Variants in PELP1 observed in about 807,000 individuals in gnomAD.
PELP1 encodes proline, glutamate and leucine rich protein 1.
A neutral mutation model predicts 95.5 loss-of-function variants in PELP1; 32 were observed. That is an observed-to-expected ratio of 0.34 (90% confidence interval 0.25 to 0.45). The LOEUF is 0.45. PELP1 is among the 20% of genes least tolerant of loss of function. PELP1 has a pLI of 1.00. For synonymous variants in PELP1, 668 were observed against 600.1 expected (o/e 1.11, Z -1.65); for missense variants, 1,358 against 1,444.8 (o/e 0.94, Z 0.97).
rs1160997161 is a variant in PELP1 at position 4,675,537 on chromosome 17, G to A, written c.1069-175C>T. 1 of 710,032 alleles carries A rather than the reference G, an allele frequency of 1.4e-6. No homozygotes were observed. 44.0% of individuals were successfully genotyped at this position (710,032 alleles called of 1,614,324 possible). ...CCTCTAAAATAGACCCTGGATGGAA[G>A]GTAAGAAGGATGGCTGGGCCTCTCA... On this transcript the variant is annotated intron_variant, in intron 9 of 16. Transcript: ENST00000572293. The surrounding 1 kb of genome is among the most constrained non-coding windows in gnomAD (Gnocchi z 4.3).
rs749743795 is a variant in PELP1, at chr17:4,704,101, G to T, written c.11C>A (p.Ala4Asp). The T allele has an allele frequency of 6.2e-7, 1 of 1,607,114 alleles. No homozygotes were observed. The highest frequency in any genetic ancestry group is 1.1e-5 in the South Asian group (1 of 90,950). Residue 4 changes from alanine to aspartate, a missense_variant, in exon 1 of 17, where the codon GCC becomes GAC. By Grantham distance (126) the Ala-to-Asp change is moderately radical (BLOSUM62 -2). Coordinates refer to ENST00000572293, the MANE Select transcript of PELP1 (RefSeq NM_014389.3). The stretch of plus-strand genomic sequence containing the variant: ...GCCCGCAGAGGGCCCACTCAGAACG[G>T]CTGCCGCCATCTTCCCCCGGGTTCC... MAA[A>D]VLSGPSAGSA...
At chr17:4,680,809 C>T (rs561132025) in intron 5 of PELP1, among the ~76,000 whole-genome samples, 2 of 152,228 alleles carry the variant, frequency 1.3e-5, no homozygotes, top group South Asian at 4.1e-4. Flanking sequence ...GGAATACCTA[C>T]TTGTTCTTAG....
intron 3 of PELP1, among the ~76,000 whole-genome samples, chr17:4,687,445 G>T (rs572507410): frequency 6.7e-6 from 1 of 149,106 alleles, no homozygotes; most frequent in Non-Finnish European, 1.5e-5. Flanking sequence ...TTGGGAGGCT[G>T]AGGCAGTCAC....
intron 1 of PELP1, among the ~76,000 whole-genome samples, chr17:4,698,098 G>A (rs1913365900): frequency 6.7e-6 from 1 of 149,812 alleles, no homozygotes; most frequent in Non-Finnish European, 1.5e-5. Flanking sequence ...TCCCACTTCG[G>A]CCTCCCACTA....
At chr17:4,683,437 G>C (rs1345109663) in intron 3 of PELP1, among the ~76,000 whole-genome samples, 4 of 150,872 alleles carry the variant, frequency 2.7e-5, no homozygotes, top group South Asian at 4.2e-4. Context: ...AGCCAGGATG[G>C]TCTCGATCTC....
At chr17:4,681,550 C>T (rs1004302341) in intron 5 of PELP1, among the ~76,000 whole-genome samples, 2 of 151,310 alleles carry the variant, frequency 1.3e-5, no homozygotes, top group Non-Finnish European at 2.9e-5. Flanking sequence ...GCCTGTAATC[C>T]CAGCATTTTG....
At chr17:4,677,585 T>C (rs1912532161) in intron 5 of PELP1, among the ~76,000 whole-genome samples, 1 of 152,186 alleles carries the variant, frequency 6.6e-6, no homozygotes, top group Non-Finnish European at 1.5e-5. Flanking sequence ...TAATTTGCAA[T>C]TATAGTCGTT....
rs1391188819 is a variant in PELP1, at chr17:4,672,270, C to CTCCTCTTCCTCTTCT, written c.2706_2720dup (p.Glu904_Glu908dup). Reference sequence around the variant, plus strand: ...CCTCTTCCTCTTCCTCAAAGTCTTCCTCCTCTTCCTCTTCTTCCTCTTCTT... The same window carrying CTCCTCTTCCTCTTCT: ...CCTCTTCCTCTTCCTCAAAGTCTTCCTCCTCTTCCTCTTCTTCCTCTTCCTCTTCTTCCTCTTCTT... On this transcript the variant is annotated inframe_insertion, in exon 16 of 17. Transcript: ENST00000572293. 7.1e-6 allele frequency: 11 copies of CTCCTCTTCCTCTTCT among 1,552,144 alleles called. No individual in the cohort carries two copies. Among genetic ancestry groups the CTCCTCTTCCTCTTCT allele is most frequent in the African/African-American group, 2.7e-5 (2 of 72,974 alleles).
Position 4,700,367 on chromosome 17 carries a change from G to A in PELP1, c.249+3496C>T, listed in dbSNP as rs1001253388. Among the ~76,000 whole-genome samples, 13 of 152,140 alleles carry A rather than the reference G, an allele frequency of 8.5e-5. No homozygotes were observed. In the South Asian group the frequency reaches 1.2e-3, roughly 15 times the overall value. On this transcript the variant is annotated intron_variant, in intron 1 of 16. Coordinates refer to ENST00000572293, the MANE Select transcript of PELP1 (RefSeq NM_014389.3). ...CTCTAAAATACGACAAAAAGTGGCCGGATGTGGTGGCTCATGCCTGTATTC... is the reference window on the plus strand; with the variant it reads ...CTCTAAAATACGACAAAAAGTGGCCAGATGTGGTGGCTCATGCCTGTATTC...
intron 1 of PELP1, among the ~76,000 whole-genome samples, chr17:4,699,464 T>C (rs563467983): frequency 7.9e-5 from 12 of 152,304 alleles, no homozygotes; most frequent in Admixed American, 3.9e-4. Flanking sequence ...CTGTAAATTT[T>C]CAGTTATTTC....
At position 4,700,610 on chromosome 17, in the gene PELP1, G is replaced by T. The variant is rs543049565; in HGVS notation, c.249+3253C>A. Among the ~76,000 whole-genome samples the T allele has an allele frequency of 2.6e-5, 4 of 152,180 alleles. No homozygotes were observed. The South Asian group carries it at 8.3e-4, about 32-fold the overall frequency. The stretch of plus-strand genomic sequence containing the variant: ...CTTCAAAAGAATATACAGGATAAAT[G>T]ACATTTGGGATTTGCTTTAAAATGG... On this transcript the variant is annotated intron_variant, in intron 1 of 16. Transcript: ENST00000572293.
rs777582959 is a variant in PELP1, at chr17:4,673,585, TC to T, written c.1638+33del. On this transcript the variant is annotated intron_variant, in intron 14 of 16. Coordinates refer to ENST00000572293, the MANE Select transcript of PELP1 (RefSeq NM_014389.3). This position sits in a 1 kb window ranked among gnomAD's most constrained non-coding sequence, Gnocchi z 5.7. ...CAATGTGTACAGAGCAGGGGCCCCT[TC>T]CCCTATCTCCACGGAGACGAGGCTC... 4 of 1,607,768 alleles carry T rather than the reference TC, an allele frequency of 2.5e-6. No individual in the cohort carries two copies. The highest frequency in any genetic ancestry group is 2.7e-5 in the African/African-American group (2 of 74,766).
chr17:4,687,498 CAAAAAAAAA>C (rs61629319), intron 3 of PELP1, among the ~76,000 whole-genome samples: 1 of 107,340 alleles, frequency 9.3e-6, no homozygotes. Flanking sequence ...GACTCCATCT[CAAAAAAAAA>C]AAAAAAAAAA....
chr17:4,699,937 C>A (rs1458150887), intron 1 of PELP1, among the ~76,000 whole-genome samples: 1 of 117,224 alleles, frequency 8.5e-6, no homozygotes, highest in African/African-American at 3.2e-5. Context: ...GAGTTTCACT[C>A]TATCACCCAG....
At position 4,674,594 on chromosome 17, in the gene PELP1, C is replaced by T. The variant is rs1326952794; in HGVS notation, c.1498G>A (p.Asp500Asn). Residue 500 changes from aspartate (D) to asparagine (N), a missense_variant, in exon 13 of 17, where the codon GAT becomes AAT. Asp to Asn is a conservative substitution (Grantham distance 23). This residue lies in a region of PELP1 where 538 missense variants were observed against 628.1 expected (regional missense o/e 0.86). Transcript: ENST00000572293. Reference protein sequence around the residue: ...KPSAPKKLKLDVGEAMAPPSH... With the variant: ...KPSAPKKLKLNVGEAMAPPSH... Reference sequence around the variant, plus strand: ...GGCGGGGCCATAGCTTCCCCCACATCCAGCTTTAGCTTCTTGGGGGCGCTA... The same window carrying T: ...GGCGGGGCCATAGCTTCCCCCACATTCAGCTTTAGCTTCTTGGGGGCGCTA... The T allele has an allele frequency of 6.2e-7, 1 of 1,610,370 alleles. No individual in the cohort carries two copies. The highest frequency in any genetic ancestry group is 8.5e-7 in the Non-Finnish European group (1 of 1,178,902).
chr17:4,674,505 C>T lies in PELP1; in HGVS notation c.1582+5G>A, dbSNP rs776153690. 1.9e-6 allele frequency: 3 copies of T among 1,611,484 alleles called. No homozygotes were observed. Among genetic ancestry groups the T allele is most frequent in the Middle Eastern group, 1.7e-4 (1 of 5,882 alleles). Reference sequence around the variant, plus strand: ...CCAGTGGTCCAGGGCACAGGCCTCACCCACCTCTGAGTGCAGCCGCACACA... The same window carrying T: ...CCAGTGGTCCAGGGCACAGGCCTCATCCACCTCTGAGTGCAGCCGCACACA... On this transcript the variant is annotated splice_donor_5th_base_variant and intron_variant, in intron 13 of 16. Transcript: ENST00000572293.
In PELP1 at chr17:4,673,260, T is replaced by C. The variant is rs752922209; in HGVS notation, c.1835A>G (p.Asp612Gly). ...LQAFSLGQRE[D>G]SLEVSSFCSE... The stretch of plus-strand genomic sequence containing the variant: ...GCCCATCACAGTTACCTCAAGGCTA[T>C]CTTCTCGCTGGCCGAGGGAGAAGGC... Residue 612 changes from aspartate to glycine, a missense_variant, in exon 15 of 17, where the codon GAT becomes GGT. Physicochemically the swap from Asp to Gly is moderately conservative, Grantham distance 94 (BLOSUM62 -1). Coordinates refer to ENST00000572293, the MANE Select transcript of PELP1 (RefSeq NM_014389.3). The surrounding 1 kb of genome is among the most constrained non-coding windows in gnomAD (Gnocchi z 5.7). 1.3e-6 allele frequency: 2 copies of C among 1,571,504 alleles called. No individual in the cohort carries two copies. The highest frequency in any genetic ancestry group is 1.2e-5 in the South Asian group (1 of 85,792).
rs934013201 is a variant in PELP1 at position 4,673,873 on chromosome 17, T to A, written c.1583-199A>T. 8.9e-6 allele frequency: 5 copies of A among 561,280 alleles called. No individual in the cohort carries two copies. Among genetic ancestry groups the A allele is most frequent in the South Asian group, 2.6e-5 (1 of 38,462 alleles). 34.8% of individuals were successfully genotyped at this position (561,280 alleles called of 1,614,324 possible). On this transcript the variant is annotated intron_variant, in intron 13 of 16. Coordinates refer to ENST00000572293, the MANE Select transcript of PELP1 (RefSeq NM_014389.3). This position sits in a 1 kb window ranked among gnomAD's most constrained non-coding sequence, Gnocchi z 5.7. ...CACTGACGGTATTTAATTGAGACAA[T>A]GTAAGTAAAAAATTATAAATTTTAT... is the stretch of plus-strand genomic sequence containing the variant.
rs575170501 is a variant in PELP1 at position 4,690,642 on chromosome 17, A to C, written c.420+246T>G. Among the ~76,000 whole-genome samples the C allele has an allele frequency of 4.6e-3, 698 of 152,268 alleles. 5 individuals carry two copies. The highest frequency in any genetic ancestry group is 5.9e-3 in the Non-Finnish European group (402 of 68,016). On this transcript the variant is annotated intron_variant, in intron 3 of 16. Transcript: ENST00000572293. ...GAGGCTGAGGCAGGAGAATCATTCG[A>C]ACCCAAGAGGCAGAGGATGCAGTGA...
Sources: gnomAD v4.1 joint callset for allele counts (sites outside exome capture counted in the v4.1 genomes callset) on GRCh38, gnomAD v4.1.1 for gene constraint, gnomAD v4.1.1 regional missense constraint, Gnocchi (gnomAD v3.1) non-coding constraint, MANE v1.5 for transcripts, NCBI Gene and HGNC (gene_info 2026-07-23, HGNC 2026-07-21) for gene names.